BMP2K: variants seen among roughly 807,000 people sequenced by gnomAD.
BMP2K encodes BMP2 inducible kinase, also known as BMP-2-inducible protein kinase.
A neutral mutation model predicts 116.0 loss-of-function variants in BMP2K; 74 were observed. The ratio of observed to expected loss-of-function variants is 0.64; its 90% CI spans 0.53 to 0.77. The LOEUF is 0.77. BMP2K is among the 30% of genes least tolerant of loss of function. The probability of loss-of-function intolerance (pLI) is 0.00; values close to 1 mark genes in which losing one functional copy is unlikely to be tolerated. For missense variants in BMP2K, 1,365 were observed against 1,403.6 expected, an observed-to-expected ratio of 0.97 and a Z score of 0.44; for synonymous variants, 486 against 502.5, an observed-to-expected ratio of 0.97 and a Z score of 0.44.
At chr4:78,807,769 C>A (rs905388817) in intron 1 of BMP2K, among the ~76,000 whole-genome samples, 1 of 150,790 alleles carries the variant, frequency 6.6e-6, no homozygotes, top group Non-Finnish European at 1.5e-5. Flanking sequence ...ATAGTAATAT[C>A]CCCTTTTATA....
At chr4:78,864,534 T>C (rs1007065854) in intron 9 of BMP2K, among the ~76,000 whole-genome samples, 12 of 150,862 alleles carry the variant, frequency 8.0e-5, no homozygotes, top group African/African-American at 3.0e-4. Context: ...CATATAATTC[T>C]AAGATCTTTT....
intron 7 of BMP2K, among the ~76,000 whole-genome samples, chr4:78,853,120 A>G (rs570088751): frequency 6.6e-6 from 1 of 152,176 alleles, no homozygotes; most frequent in Non-Finnish European, 1.5e-5. Flanking sequence ...GTTTCCATAT[A>G]TTAACATAAA....
rs1727227912 is a variant in BMP2K at position 78,776,379 on chromosome 4, G to A, written c.-165G>A. 3.1e-6 allele frequency: 2 copies of A among 638,774 alleles called. No homozygotes were observed. Among genetic ancestry groups the A allele is most frequent in the South Asian group, 1.5e-4 (2 of 13,638 alleles). 39.6% of individuals were successfully genotyped at this position (638,774 alleles called of 1,614,324 possible). Reference sequence around the variant, plus strand: ...GCAGCGGAGCCGCGGAGCGGGCGGCGGGGCCCAGGCTGTGCGCTTGGGGAG... The same window carrying A: ...GCAGCGGAGCCGCGGAGCGGGCGGCAGGGCCCAGGCTGTGCGCTTGGGGAG... On this transcript the variant is annotated 5_prime_UTR_variant, in exon 1 of 16. Transcript: ENST00000502613.
intron 15 of BMP2K, among the ~76,000 whole-genome samples, chr4:78,891,119 A>G (rs967539351): frequency 6.6e-6 from 1 of 152,200 alleles, no homozygotes; most frequent in African/African-American, 2.4e-5. Context: ...TGGCAGGGCA[A>G]ATAATTTTAG....
intron 1 of BMP2K, among the ~76,000 whole-genome samples, chr4:78,803,315 G>A (rs922244974): frequency 4.6e-5 from 7 of 151,622 alleles, no homozygotes; most frequent in Non-Finnish European, 7.4e-5. Flanking sequence ...AAGCTCTCAC[G>A]TGTCTTCTAT....
At chr4:78,878,617 T>C (rs1577952539) in intron 13 of BMP2K, 117 bp from the exon 14 acceptor site, 1 of 853,364 alleles carries the variant, frequency 1.2e-6, no homozygotes, top group East Asian at 2.8e-5. Context: ...ATCTCTGTCA[T>C]AAGGAAATGA....
chr4:78,859,763 C>CT (rs1306973735), intron 8 of BMP2K, 76 bp downstream of exon 8: 591 of 1,019,768 alleles, frequency 5.8e-4, no homozygotes, highest in Non-Finnish European at 6.4e-4. Context: ...TTCAGAGTTA[C>CT]TTTTTTTTTG....
intron 1 of BMP2K, among the ~76,000 whole-genome samples, chr4:78,801,238 C>G (rs1021336477): frequency 1.3e-5 from 2 of 151,952 alleles, no homozygotes; most frequent in South Asian, 4.2e-4. Flanking sequence ...AAGTCAGCTT[C>G]TCTTGTTTGA....
At chr4:78,832,629 T>C (rs1474462167) in intron 2 of BMP2K, among the ~76,000 whole-genome samples, 1 of 152,098 alleles carries the variant, frequency 6.6e-6, no homozygotes, top group Non-Finnish European at 1.5e-5. Context: ...GATATTATAG[T>C]CTTGTACTTT....
intron 1 of BMP2K, among the ~76,000 whole-genome samples, chr4:78,784,778 A>C (rs754970273): frequency 6.6e-6 from 1 of 152,218 alleles, no homozygotes; most frequent in African/African-American, 2.4e-5. Flanking sequence ...ATCGGGGAAA[A>C]ATACCAGCTG....
At chr4:78,879,007 G>A (rs1203343035) in intron 14 of BMP2K, 116 bp downstream of exon 14, 1 of 1,496,348 alleles carries the variant, frequency 6.7e-7, no homozygotes, top group Admixed American at 2.6e-5. Context: ...GTGCATTTGA[G>A]GGCAAAATTC....
intron 13 of BMP2K, among the ~76,000 whole-genome samples, chr4:78,875,567 A>G (rs940678524): frequency 1.1e-4 from 17 of 152,236 alleles, no homozygotes; most frequent in African/African-American, 3.9e-4. Flanking sequence ...CTAATAAATT[A>G]TCTCAAAACT....
chr4:78,874,170 C>G (rs1057332346), intron 13 of BMP2K, among the ~76,000 whole-genome samples: 8 of 147,640 alleles, frequency 5.4e-5, no homozygotes, highest in African/African-American at 2.1e-4. Flanking sequence ...GAGCGAGACT[C>G]CATCTCACAC....
intron 1 of BMP2K, among the ~76,000 whole-genome samples, chr4:78,791,839 C>G (rs970538279): frequency 7.2e-6 from 1 of 138,974 alleles, no homozygotes; most frequent in Non-Finnish European, 1.5e-5. Flanking sequence ...CACATTTTGT[C>G]TGTCTGTGGG....
At position 78,914,801 on chromosome 4, in the gene BMP2K, T is replaced by C. The variant is rs984645671; in HGVS notation, c.*2768T>C. On this transcript the variant is annotated 3_prime_UTR_variant, in exon 16 of 16. Transcript: ENST00000502613. ...CCTGTGCTTCTTTAGGATGTAGTTATAACTAAACCTGTTATACTTGAACAT... is the reference window on the plus strand; with the variant it reads ...CCTGTGCTTCTTTAGGATGTAGTTACAACTAAACCTGTTATACTTGAACAT... The C allele has an allele frequency of 2.0e-5, 3 of 151,692 alleles. No homozygotes were observed. The highest frequency in any genetic ancestry group is 7.3e-5 in the African/African-American group (3 of 41,320). 9.4% of individuals were successfully genotyped at this position (151,692 alleles called of 1,614,324 possible).
chr4:78,859,749 T>C, intron 8 of BMP2K, 62 bp downstream of exon 8: 2 of 1,181,096 alleles, frequency 1.7e-6, no homozygotes, highest in Non-Finnish European at 2.4e-6. Flanking sequence ...TGAATATATT[T>C]ACTTTCAGAG....
chr4:78,872,580 G>A (rs377459684), intron 12 of BMP2K, 34 bp from the exon 13 acceptor site: 29 of 1,595,174 alleles, frequency 1.8e-5, no homozygotes, highest in African/African-American at 2.7e-5. Flanking sequence ...TAGGACTGGA[G>A]CATTGTTTTG....
chr4:78,904,858 T>C (rs1734206436), intron 15 of BMP2K, among the ~76,000 whole-genome samples: 2 of 151,942 alleles, frequency 1.3e-5, no homozygotes, highest in Admixed American at 1.3e-4. Flanking sequence ...TATGATTTTA[T>C]TATTTTAACT....
intron 2 of BMP2K, 52 bp downstream of exon 2, chr4:78,826,207 A>G: frequency 1.4e-6 from 2 of 1,459,726 alleles, no homozygotes; most frequent in Non-Finnish European, 1.9e-6. Flanking sequence ...TTTATTTTTT[A>G]TTTTTCTTGG....
Sources: gnomAD v4.1 joint callset for allele counts (sites outside exome capture counted in the v4.1 genomes callset) on GRCh38, gnomAD v4.1.1 for gene constraint, MANE v1.5 for transcripts, NCBI Gene and HGNC (gene_info 2026-07-23, HGNC 2026-07-21) for gene names.